The following REC8 variants were observed in gnomAD, a reference collection of about 807,000 sequenced individuals.
REC8 encodes the protein meiotic recombination protein REC8 homolog.
In REC8, 42 loss-of-function variants were observed where a neutral mutation model predicts 78.3. That is an observed-to-expected ratio of 0.54 (90% CI 0.42 to 0.69). The LOEUF is 0.69. Ranked by LOEUF, REC8 falls within the 30% of genes least tolerant of loss-of-function variation. REC8 has a pLI of 0.00. For synonymous variants in REC8, 268 were observed against 274.1 expected (o/e 0.98, Z 0.22); for missense variants, 581 against 715.8 (o/e 0.81, Z 2.15).
At position 24,172,618 on chromosome 14, in the gene REC8, G is replaced by A; in HGVS notation, c.56+10G>A. 3 of 1,613,346 alleles carry A rather than the reference G, an allele frequency of 1.9e-6. No individual in the cohort carries two copies. The highest frequency in any genetic ancestry group is 2.5e-6 in the Non-Finnish European group (3 of 1,179,514). ...GCTTTGCCACCATCTGGTAAGGGCG[G>A]GGCCCGTTGGCGCGCGATGGCGGAC... On this transcript the variant is annotated intron_variant, in intron 1 of 18. Coordinates refer to ENST00000611366, the MANE Select transcript of REC8 (RefSeq NM_001048205.2).
chr14:24,179,925 G>T lies in REC8; in HGVS notation c.1558+19G>T. ...CTCCTGGGTGAGTGTATGCATGTGT[G>T]TGTGTGTATGTGGGGCAGGGACACA... is the stretch of plus-strand genomic sequence containing the variant. On this transcript the variant is annotated intron_variant, in intron 18 of 18. Transcript: ENST00000611366. 1.2e-6 allele frequency: 2 copies of T among 1,614,076 alleles called. No individual in the cohort carries two copies. The highest frequency in any genetic ancestry group is 1.7e-6 in the Non-Finnish European group (2 of 1,180,006).
At position 24,180,180 on chromosome 14, in the gene REC8, T is replaced by C. The variant is rs759743941; in HGVS notation, c.*85T>C. The C allele has an allele frequency of 6.2e-6, 10 of 1,612,496 alleles. No individual in the cohort carries two copies. Among genetic ancestry groups the C allele is most frequent in the Non-Finnish European group, 5.1e-6 (6 of 1,179,408 alleles). On this transcript the variant is annotated 3_prime_UTR_variant, in exon 19 of 19. Transcript: ENST00000611366. ...GCCTCACTGGGTCCTGCTTACCTCA[T>C]TTCTGAATGTGCATTTCCAGCCTTC...
At chr14:24,177,963 G>C (rs962151139) in intron 11 of REC8, 128 bp from the exon 12 acceptor site, 5 of 1,514,226 alleles carry the variant, frequency 3.3e-6, no homozygotes, top group Non-Finnish European at 4.4e-6. Flanking sequence ...CAAGTGCATG[G>C]AGACCCCGCA....
At chr14:24,175,727 T>A (rs2139129347) in intron 6 of REC8, 103 bp downstream of exon 6, 1 of 215,000 alleles carries the variant, frequency 4.7e-6, no homozygotes, top group East Asian at 1.3e-4. Flanking sequence ...TGAGGGGCGC[T>A]TTTTTTTTTT....
At chr14:24,177,065 T>C in intron 7 of REC8, 76 bp from the exon 8 acceptor site, 2 of 1,466,356 alleles carry the variant, frequency 1.4e-6, no homozygotes, top group Non-Finnish European at 1.9e-6. Flanking sequence ...GCCTCTGGGA[T>C]CCACTCTCCT....
At chr14:24,174,530 G>A (rs906871091) in intron 5 of REC8, among the ~76,000 whole-genome samples, 15 of 151,940 alleles carry the variant, frequency 9.9e-5, no homozygotes, top group Non-Finnish European at 1.8e-4. Context: ...CACCCGCCTC[G>A]GCCTCCCAAA....
At chr14:24,177,116 C>A in intron 7 of REC8, 25 bp from the exon 8 acceptor site, 1 of 1,606,646 alleles carries the variant, frequency 6.2e-7, no homozygotes, top group Non-Finnish European at 8.5e-7. Flanking sequence ...TGAATCCCCT[C>A]CCCTTGCTCT....
At chr14:24,178,465 C>G (rs2039001497) in intron 12 of REC8, 141 bp from the exon 13 acceptor site, 1 of 922,494 alleles carries the variant, frequency 1.1e-6, no homozygotes, top group African/African-American at 1.7e-5. Context: ...CTTCTTTTAG[C>G]AATGAGCAGG....
Position 24,175,619 on chromosome 14 carries a change from A to G in REC8, c.539A>G (p.Glu180Gly). 6.2e-7 allele frequency: 1 copy of G among 1,612,796 alleles called. No homozygotes were observed. The highest frequency in any genetic ancestry group is 2.2e-5 in the East Asian group (1 of 44,866). The change falls in exon 6 of 19, where the codon GAG (glutamate) becomes GGG (glycine). Residue 180 changes from glutamate to glycine, a missense_variant. Physicochemically the swap from Glu to Gly is moderately conservative, Grantham distance 98. Transcript: ENST00000611366. ...IPPEVPTEPREPERIPVTVLP... is the reference protein window; with the variant it reads ...IPPEVPTEPRGPERIPVTVLP... ...CCTGAAGTTCCTACAGAGCCCAGGGAGCCAGGTCAGCAGAGAGAACCTTCT... is the reference window on the plus strand; with the variant it reads ...CCTGAAGTTCCTACAGAGCCCAGGGGGCCAGGTCAGCAGAGAGAACCTTCT...
chr14:24,173,070 C>A (rs977055303), intron 3 of REC8, 29 bp downstream of exon 3: 1 of 1,611,102 alleles, frequency 6.2e-7, no homozygotes. Context: ...AAAGGTGGGG[C>A]GGGCTGAGCA....
Position 24,178,540 on chromosome 14 carries a change from G to A in REC8, c.997-66G>A, listed in dbSNP as rs1236316774. 4 of 1,529,738 alleles carry A rather than the reference G, an allele frequency of 2.6e-6. No individual in the cohort carries two copies. The African/African-American group carries it at 5.5e-5, about 21-fold the overall frequency. 94.8% of individuals were successfully genotyped at this position (1,529,738 alleles called of 1,614,324 possible). A position where few individuals can be genotyped will look rare whatever the true frequency, so the allele number is the denominator to read the frequency against. The stretch of plus-strand genomic sequence containing the variant: ...AAGCCCCAGAACAGTGCATTGCAAA[G>A]AGGCAAAGGGGCCCTGAGGAGTGGC... On this transcript the variant is annotated intron_variant, in intron 12 of 18. Coordinates refer to ENST00000611366, the MANE Select transcript of REC8 (RefSeq NM_001048205.2).
At chr14:24,175,064 T>C (rs1273574687) in intron 5 of REC8, among the ~76,000 whole-genome samples, 4 of 150,782 alleles carry the variant, frequency 2.7e-5, no homozygotes. Context: ...TGGAGTGCAG[T>C]GGCTCAATCT....
At chr14:24,177,419 A>G (rs752896804) in intron 9 of REC8, 36 bp downstream of exon 9, 8 of 1,613,994 alleles carry the variant, frequency 5.0e-6, no homozygotes, top group Admixed American at 1.7e-5. Context: ...GTAGGGTGTC[A>G]GTGCTGGGAA....
At chr14:24,175,791 C>T (rs564746449) in intron 6 of REC8, among the ~76,000 whole-genome samples, 167 bp downstream of exon 6, 7 of 151,112 alleles carry the variant, frequency 4.6e-5, no homozygotes, top group Admixed American at 1.3e-4. Context: ...GGCACGATCT[C>T]GGCTCACTGC....
intron 2 of REC8, 55 bp from the exon 3 acceptor site, chr14:24,172,844 A>G: frequency 6.2e-7 from 1 of 1,613,740 alleles, no homozygotes; most frequent in Non-Finnish European, 8.5e-7. Flanking sequence ...TGGGGTGGCC[A>G]AGACTGTGGG....
chr14:24,177,366 AC>A lies in REC8; in HGVS notation c.722del (p.Pro241LeufsTer10), dbSNP rs1424943348. On this transcript the variant is annotated frameshift_variant, in exon 9 of 19. Transcript: ENST00000611366. LOFTEE classifies it high-confidence loss of function. Reference sequence around the variant, plus strand: ...CTCTCTCCACAGTCCCGCGGCTCCCACCTCCAGCTCCTGCAGAGTAAGGGCA... The same window carrying A: ...CTCTCTCCACAGTCCCGCGGCTCCCACTCCAGCTCCTGCAGAGTAAGGGCA... ...AILLEIPRLP[P>X]PAPAEVEGIG... is the part of the protein sequence containing the mutation. 1 of 1,613,984 alleles carries A rather than the reference AC, an allele frequency of 6.2e-7. No homozygotes were observed. Among genetic ancestry groups the A allele is most frequent in the Non-Finnish European group, 8.5e-7 (1 of 1,179,986 alleles).
chr14:24,172,505 AT>A lies in REC8; in HGVS notation c.-47del. ...TGTGCCCTAAAGAATTCCGACTCAG[AT>A]CCGAACGGGGATCTGGTGGAATCGA... On this transcript the variant is annotated 5_prime_UTR_variant, in exon 1 of 19. Transcript: ENST00000611366. The A allele has an allele frequency of 6.3e-7, 1 of 1,578,614 alleles. No individual in the cohort carries two copies. The highest frequency in any genetic ancestry group is 8.7e-7 in the Non-Finnish European group (1 of 1,155,690).
At chr14:24,175,448 G>C in intron 5 of REC8, 95 bp from the exon 6 acceptor site, 2 of 936,826 alleles carry the variant, frequency 2.1e-6, no homozygotes, top group Non-Finnish European at 3.5e-6. Context: ...GGCATAAAAG[G>C]AGATTACCGT....
rs34603656 is a variant in REC8, at chr14:24,177,863, T to C, written c.864+105T>C. On this transcript the variant is annotated intron_variant, in intron 11 of 18. Coordinates refer to ENST00000611366, the MANE Select transcript of REC8 (RefSeq NM_001048205.2). The stretch of plus-strand genomic sequence containing the variant: ...ACTGCTAGCTTACAGGGGTCCTTAA[T>C]GCAGATGATAAAAGATGCCCCTTTC... 1,760 of 1,475,040 alleles carry C rather than the reference T, an allele frequency of 1.2e-3. 11 individuals carry two copies. The Middle Eastern group carries it at 0.029, about 24-fold the overall frequency. 91.4% of individuals were successfully genotyped at this position (1,475,040 alleles called of 1,614,324 possible). A position where few individuals can be genotyped will look rare whatever the true frequency, so the allele number is the denominator to read the frequency against.
Sources: allele counts gnomAD v4.1 joint callset (sites outside exome capture counted in the v4.1 genomes callset), GRCh38; gene constraint gnomAD v4.1.1; transcripts MANE v1.5; gene names NCBI Gene and HGNC (gene_info 2026-07-23, HGNC 2026-07-21).